The following TEAD1 variants were observed in gnomAD, a reference collection of about 807,000 sequenced individuals.
TEAD1 encodes transcriptional enhancer factor TEF-1.
In TEAD1, 9 loss-of-function variants were observed where a neutral mutation model predicts 54.9. The ratio of observed to expected loss-of-function variants is 0.16; its 90% confidence interval spans 0.10 to 0.29. The LOEUF is 0.29. Ranked by LOEUF, TEAD1 falls within the 10% of genes least tolerant of loss-of-function variation. The probability of loss-of-function intolerance (pLI) is 1.00; values close to 1 mark genes in which losing one functional copy is unlikely to be tolerated. For synonymous variants in TEAD1, 200 were observed against 187.8 expected (o/e 1.07, Z -0.53); for missense variants, 387 against 535.9 (o/e 0.72, Z 2.74).
intron 3 of TEAD1, among the ~76,000 whole-genome samples, chr11:12,833,995 A>G (rs931639679): frequency 1.3e-5 from 2 of 152,204 alleles, no homozygotes; most frequent in African/African-American, 4.8e-5. Context: ...GGACTTAATA[A>G]ATGTTTATGG....
chr11:12,862,636 C>T (rs1396552790), intron 4 of TEAD1, among the ~76,000 whole-genome samples: 1 of 152,222 alleles, frequency 6.6e-6, no homozygotes, highest in Admixed American at 6.5e-5. Context: ...ACTGCAAAAA[C>T]TGCAAGTGCA....
At chr11:12,697,472 G>A (rs1590061780) in intron 2 of TEAD1, among the ~76,000 whole-genome samples, 2 of 152,100 alleles carry the variant, frequency 1.3e-5, no homozygotes, top group East Asian at 3.9e-4. Flanking sequence ...AGATAACAGA[G>A]TAAAAATTAT....
intron 2 of TEAD1, among the ~76,000 whole-genome samples, chr11:12,697,789 G>A (rs897660330): frequency 2.2e-4 from 33 of 152,298 alleles, no homozygotes; most frequent in African/African-American, 7.0e-4. Flanking sequence ...TTGGGAGGCC[G>A]AGGCGGGCGG....
intron 12 of TEAD1, among the ~76,000 whole-genome samples, chr11:12,934,873 A>G (rs1949071966): frequency 6.6e-6 from 1 of 152,104 alleles, no homozygotes; most frequent in Non-Finnish European, 1.5e-5. Flanking sequence ...AGGTAAATAA[A>G]CCATTGCAAG....
intron 3 of TEAD1, among the ~76,000 whole-genome samples, chr11:12,797,220 TGAA>T (rs755713640): frequency 2.6e-5 from 4 of 152,222 alleles, no homozygotes; most frequent in Non-Finnish European, 4.4e-5. Context: ...AACATAGACT[TGAA>T]GAAGGATGGT....
intron 3 of TEAD1, among the ~76,000 whole-genome samples, chr11:12,859,508 C>T (rs1369247976): frequency 6.6e-6 from 1 of 152,170 alleles, no homozygotes; most frequent in Non-Finnish European, 1.5e-5. Context: ...CCTAGCTGGG[C>T]TCTGTTGTCA....
intron 2 of TEAD1, among the ~76,000 whole-genome samples, chr11:12,748,689 C>T (rs567069409): frequency 1.8e-4 from 27 of 152,124 alleles, no homozygotes; most frequent in African/African-American, 4.8e-4. Flanking sequence ...AAGAAGCCAC[C>T]CATATCATCT....
intron 3 of TEAD1, among the ~76,000 whole-genome samples, chr11:12,821,848 G>A (rs188091843): frequency 1.3e-5 from 2 of 150,900 alleles, no homozygotes; most frequent in Non-Finnish European, 1.5e-5. Context: ...ATGTCAGCTC[G>A]TTCTCTCACT....
chr11:12,811,460 C>CT (rs1201919667), intron 3 of TEAD1, among the ~76,000 whole-genome samples: 2 of 152,178 alleles, frequency 1.3e-5, no homozygotes. Flanking sequence ...ATCATTGTTT[C>CT]TTAGAACATA....
chr11:12,877,659 CAAAA>C (rs112123980), intron 5 of TEAD1, among the ~76,000 whole-genome samples: 1 of 141,564 alleles, frequency 7.1e-6, no homozygotes, highest in African/African-American at 2.6e-5. Context: ...AACTCCATCT[CAAAA>C]AAAAAAAAGA....
chr11:12,691,289 A>G (rs1943453142), intron 2 of TEAD1, among the ~76,000 whole-genome samples: 1 of 152,046 alleles, frequency 6.6e-6, no homozygotes, highest in Non-Finnish European at 1.5e-5. Context: ...ATGTGACCCT[A>G]TTAATAGTCT....
At chr11:12,686,191 G>A (rs913679403) in intron 2 of TEAD1, among the ~76,000 whole-genome samples, 1 of 152,120 alleles carries the variant, frequency 6.6e-6, no homozygotes, top group African/African-American at 2.4e-5. Flanking sequence ...TAAATTATAT[G>A]CCTATGGTAC....
rs772732062 is a variant in TEAD1, at chr11:12,881,071, G to A, written c.512+20G>A. ...ACAAGAGTAAGTCTGAGGAGGGGTGGGCACTGACAACTACGGGCTGGTCCC... is the reference window on the plus strand; with the variant it reads ...ACAAGAGTAAGTCTGAGGAGGGGTGAGCACTGACAACTACGGGCTGGTCCC... On this transcript the variant is annotated intron_variant, in intron 7 of 12. Transcript: ENST00000527636. 6.2e-7 allele frequency: 1 copy of A among 1,613,964 alleles called. No individual in the cohort carries two copies. Among genetic ancestry groups the A allele is most frequent in the Non-Finnish European group, 8.5e-7 (1 of 1,179,942 alleles).
chr11:12,802,505 C>T (rs1042835785), intron 3 of TEAD1, among the ~76,000 whole-genome samples: 24 of 151,982 alleles, frequency 1.6e-4, no homozygotes, highest in Non-Finnish European at 4.4e-5. Context: ...CACCGCCGCC[C>T]GACCCTTCAC....
chr11:12,793,104 G>GA (rs1226414522), intron 3 of TEAD1, among the ~76,000 whole-genome samples: 1 of 150,638 alleles, frequency 6.6e-6, no homozygotes, highest in African/African-American at 2.4e-5. Context: ...GCATATCATT[G>GA]AAAATCTATG....
At chr11:12,862,125 G>A (rs191347392) in intron 3 of TEAD1, 125 bp from the exon 4 acceptor site, 5 of 725,740 alleles carry the variant, frequency 6.9e-6, no homozygotes, top group Non-Finnish European at 1.2e-5. Context: ...TATTTTTCTA[G>A]TATTAGTAAA....
rs1944759291 is a variant in TEAD1, at chr11:12,747,030, C to T, written c.-54-17149C>T. The stretch of plus-strand genomic sequence containing the variant: ...CCAGGTAGTCAGGGTGTTTGGAAAC[C>T]TGAGGAAGGTTTTGAGGCCAGTGAG... On this transcript the variant is annotated intron_variant, in intron 2 of 12. Coordinates refer to ENST00000527636, the MANE Select transcript of TEAD1 (RefSeq NM_021961.6). Among the ~76,000 whole-genome samples the T allele has an allele frequency of 2.0e-5, 3 of 152,330 alleles. No homozygotes were observed. In the South Asian group the frequency reaches 6.2e-4, roughly 32 times the overall value.
At position 12,715,623 on chromosome 11, in the gene TEAD1, C is replaced by T. The variant is rs144520840; in HGVS notation, c.-55+40062C>T. On this transcript the variant is annotated intron_variant, in intron 2 of 12. Transcript: ENST00000527636. ...ACAGGCCTACTGGCATGGAGACCTA[C>T]CTTGCAGGGGCTTTGCCAGAAGGGG... Among the ~76,000 whole-genome samples the T allele has an allele frequency of 4.8e-3, 729 of 152,152 alleles. 5 individuals are homozygous for T. The highest frequency in any genetic ancestry group is 7.5e-3 in the Non-Finnish European group (507 of 68,018).
intron 9 of TEAD1, among the ~76,000 whole-genome samples, chr11:12,891,969 C>T (rs956984107): frequency 1.3e-5 from 2 of 152,150 alleles, no homozygotes; most frequent in African/African-American, 4.8e-5. Flanking sequence ...GCTGGACCTC[C>T]TGGACGTGGA....
Sources: allele counts gnomAD v4.1 joint callset (sites outside exome capture counted in the v4.1 genomes callset), GRCh38; gene constraint gnomAD v4.1.1; transcripts MANE v1.5; gene names NCBI Gene and HGNC (gene_info 2026-07-23, HGNC 2026-07-21).